The following MARCHF1 variants were observed in gnomAD, a reference collection of about 807,000 sequenced individuals.
MARCHF1 encodes E3 ubiquitin-protein ligase MARCHF1.
In MARCHF1, 40 loss-of-function variants were observed where a neutral mutation model predicts 54.2. That is an observed-to-expected ratio of 0.74 (90% CI 0.57 to 0.96). The LOEUF (loss-of-function observed/expected upper bound fraction) is 0.96. MARCHF1 is among the 40% of genes least tolerant of loss of function. MARCHF1 has a pLI of 0.00. For synonymous variants in MARCHF1, 236 were observed against 236.3 expected (o/e 1.00, Z 0.01); for missense variants, 586 against 656.5 (o/e 0.89, Z 1.17).
chr4:164,365,088 CT>C (rs1164058464), intron 1 of MARCHF1, among the ~76,000 whole-genome samples: 1 of 151,924 alleles, frequency 6.6e-6, no homozygotes, highest in Non-Finnish European at 1.5e-5. Context: ...ATTACTATGT[CT>C]TCATCATTCC....
At chr4:163,851,197 T>A (rs534861881) in intron 4 of MARCHF1, among the ~76,000 whole-genome samples, 7 of 152,228 alleles carry the variant, frequency 4.6e-5, no homozygotes, top group African/African-American at 9.6e-5. Context: ...TTAAGTAGAA[T>A]AACGGAAAAA....
intron 2 of MARCHF1, among the ~76,000 whole-genome samples, chr4:164,002,751 T>C (rs1426185995): frequency 2.0e-5 from 3 of 151,820 alleles, no homozygotes; most frequent in Non-Finnish European, 4.4e-5. Flanking sequence ...GAAAATCAGA[T>C]ACAGGTATGC....
chr4:164,097,383 G>A (rs1031082698), intron 2 of MARCHF1, among the ~76,000 whole-genome samples: 4 of 151,974 alleles, frequency 2.6e-5, no homozygotes, highest in Non-Finnish European at 5.9e-5. Flanking sequence ...AACCACAATA[G>A]CATTAGCGAT....
intron 1 of MARCHF1, among the ~76,000 whole-genome samples, chr4:164,240,429 C>T (rs535005476): frequency 2.4e-4 from 37 of 152,220 alleles, no homozygotes; most frequent in Admixed American, 4.6e-4. Flanking sequence ...ATGGAGACTC[C>T]TCATTCCTCA....
At chr4:164,360,125 C>A (rs1730683290) in intron 1 of MARCHF1, among the ~76,000 whole-genome samples, 1 of 152,012 alleles carries the variant, frequency 6.6e-6, no homozygotes, top group Non-Finnish European at 1.5e-5. Flanking sequence ...TTAACAAGAG[C>A]ATCACAAAAA....
At chr4:164,319,380 C>T (rs918843979) in intron 1 of MARCHF1, among the ~76,000 whole-genome samples, 4 of 151,998 alleles carry the variant, frequency 2.6e-5, no homozygotes, top group Non-Finnish European at 4.4e-5. Context: ...CCATGGATAC[C>T]AAGGAATGAC....
At chr4:163,981,147 T>G (rs1339848630) in intron 3 of MARCHF1, among the ~76,000 whole-genome samples, 1 of 152,006 alleles carries the variant, frequency 6.6e-6, no homozygotes, top group Admixed American at 6.6e-5. Context: ...GTGCCAGAAT[T>G]GTTTTTTTTT....
intron 5 of MARCHF1, among the ~76,000 whole-genome samples, chr4:163,669,716 A>G (rs1430635049): frequency 6.6e-6 from 1 of 151,894 alleles, no homozygotes; most frequent in Non-Finnish European, 1.5e-5. Flanking sequence ...CTCCTACCTA[A>G]GCCTCTCAAG....
intron 1 of MARCHF1, among the ~76,000 whole-genome samples, chr4:164,143,619 T>A (rs1435175131): frequency 6.6e-6 from 1 of 151,986 alleles, no homozygotes; most frequent in African/African-American, 2.4e-5. Flanking sequence ...GACAAGCAAA[T>A]GCTGAGAGAT....
chr4:164,378,296 G>A (rs1283439409), intron 1 of MARCHF1, among the ~76,000 whole-genome samples: 1 of 152,212 alleles, frequency 6.6e-6, no homozygotes, highest in Non-Finnish European at 1.5e-5. Flanking sequence ...TTGAGGGACT[G>A]GAGAGACAAA....
At chr4:164,328,722 G>T (rs1488544805) in intron 1 of MARCHF1, among the ~76,000 whole-genome samples, 2 of 151,922 alleles carry the variant, frequency 1.3e-5, no homozygotes, top group East Asian at 3.9e-4. Context: ...TAAAGACGGG[G>T]TTTCACCATG....
chr4:163,656,203 AT>A (rs1278568187), intron 5 of MARCHF1, among the ~76,000 whole-genome samples: 1 of 151,978 alleles, frequency 6.6e-6, no homozygotes, highest in Non-Finnish European at 1.5e-5. Context: ...AACAGACATA[AT>A]AAAAAATGAC....
chr4:163,658,121 T>C (rs976976315), intron 5 of MARCHF1, among the ~76,000 whole-genome samples: 2 of 152,042 alleles, frequency 1.3e-5, no homozygotes. Context: ...ACAGGCAACC[T>C]ACAGAGTGGG....
intron 2 of MARCHF1, among the ~76,000 whole-genome samples, chr4:164,060,565 G>C (rs147068810): frequency 5.5e-4 from 83 of 152,122 alleles, no homozygotes; most frequent in Middle Eastern, 3.4e-3. Context: ...AATGTCATTT[G>C]ATAAATAATT....
chr4:163,832,076 C>T (rs1439874787), intron 4 of MARCHF1, among the ~76,000 whole-genome samples: 3 of 152,080 alleles, frequency 2.0e-5, no homozygotes, highest in South Asian at 2.1e-4. Context: ...GAAGCTATTA[C>T]GATGAAGGCA....
chr4:163,642,266 G>A (rs1374825375), intron 5 of MARCHF1, among the ~76,000 whole-genome samples: 1 of 152,140 alleles, frequency 6.6e-6, no homozygotes. Flanking sequence ...CAGGGGAAAA[G>A]ACAGACTTAT....
chr4:163,571,022 A>G (rs1160498571), intron 8 of MARCHF1, among the ~76,000 whole-genome samples: 1 of 152,102 alleles, frequency 6.6e-6, no homozygotes, highest in African/African-American at 2.4e-5. Context: ...TCCAATTTGG[A>G]CAGGGTAATC....
intron 3 of MARCHF1, among the ~76,000 whole-genome samples, chr4:163,905,465 C>T (rs1440863968): frequency 1.3e-5 from 2 of 152,042 alleles, no homozygotes; most frequent in Admixed American, 6.6e-5. Context: ...GAGCTAACTT[C>T]AATCTCAAGT....
chr4:163,613,377 GT>G lies in MARCHF1; in HGVS notation c.178del (p.Thr60GlnfsTer43), dbSNP rs1560974678. 1 of 1,613,332 alleles carries G rather than the reference GT, an allele frequency of 6.2e-7. No homozygotes were observed. Among genetic ancestry groups the G allele is most frequent in the Non-Finnish European group, 8.5e-7 (1 of 1,179,540 alleles). On this transcript the variant is annotated frameshift_variant, in exon 6 of 10. Coordinates refer to ENST00000514618, the MANE Select transcript of MARCHF1 (RefSeq NM_001394959.1). LOFTEE classifies it high-confidence loss of function. ...SNISKASSPT[T>X]GTAPRSQSRL... ...TGACTGGCTCCTGGGAGCTGTCCCT[GT>G]TGTTGGGCTGCTTGCCTGGAGAAAC...
Sources: allele counts gnomAD v4.1 joint callset (sites outside exome capture counted in the v4.1 genomes callset), GRCh38; gene constraint gnomAD v4.1.1; transcripts MANE v1.5; gene names NCBI Gene and HGNC (gene_info 2026-07-23, HGNC 2026-07-21).